MYO1E: variants seen among roughly 807,000 people sequenced by gnomAD.
MYO1E encodes unconventional myosin-Ie.
A neutral mutation model predicts 151.1 loss-of-function variants in MYO1E; 68 were observed. That is an observed-to-expected ratio of 0.45 (90% CI 0.37 to 0.55). The LOEUF (loss-of-function observed/expected upper bound fraction) is 0.55, where lower values mean the gene tolerates loss of function less well. MYO1E is among the 20% of genes least tolerant of loss of function. The pLI, the probability that MYO1E is intolerant of heterozygous loss-of-function variation, is 0.00. For missense variants in MYO1E, 1,363 were observed against 1,389.3 expected, an observed-to-expected ratio of 0.98 and a Z score of 0.30; for synonymous variants, 601 against 501.7, an observed-to-expected ratio of 1.20 and a Z score of -2.64.
intron 26 of MYO1E, among the ~76,000 whole-genome samples, chr15:59,146,775 C>T (rs903919072): frequency 1.3e-5 from 2 of 150,490 alleles, no homozygotes; most frequent in East Asian, 3.9e-4. Context: ...GGTTATAAAA[C>T]TATACATCAC....
intron 18 of MYO1E, among the ~76,000 whole-genome samples, chr15:59,179,373 C>T (rs2079645071): frequency 6.6e-6 from 1 of 152,146 alleles, no homozygotes; most frequent in African/African-American, 2.4e-5. Flanking sequence ...TTAATTTATG[C>T]CTCCCAGATG....
At chr15:59,330,813 G>A (rs1375925526) in intron 1 of MYO1E, among the ~76,000 whole-genome samples, 2 of 152,042 alleles carry the variant, frequency 1.3e-5, no homozygotes, top group Non-Finnish European at 1.5e-5. Context: ...CTGTCACCTA[G>A]GCTGAAGTGC....
At chr15:59,250,337 G>C (rs1000165123) in intron 4 of MYO1E, among the ~76,000 whole-genome samples, 1 of 152,196 alleles carries the variant, frequency 6.6e-6, no homozygotes, top group South Asian at 2.1e-4. Context: ...AGGTGGGCCA[G>C]GCAGGCGGTG....
chr15:59,266,765 C>T (rs2080256879), intron 2 of MYO1E: 1 of 148,822 alleles, frequency 6.7e-6, no homozygotes, highest in South Asian at 2.2e-4. Flanking sequence ...AGGTTCACAC[C>T]ATTCTCCTGC....
At position 59,171,452 on chromosome 15, in the gene MYO1E, C is replaced by G. The variant is rs138905700; in HGVS notation, c.2480+445G>C. The stretch of plus-strand genomic sequence containing the variant: ...CAGGGCTACAGAGAATGGAGACCAA[C>G]TTGCACTCCCTAAGGAAGTCCCAAA... On this transcript the variant is annotated intron_variant, in intron 22 of 27. Transcript: ENST00000288235. 2.4e-4 allele frequency among the ~76,000 whole-genome samples: 37 copies of G among 152,274 alleles called. No individual in the cohort carries two copies. The East Asian group carries it at 5.6e-3, about 23-fold the overall frequency.
chr15:59,368,324 T>A (rs944667111), intron 1 of MYO1E, among the ~76,000 whole-genome samples: 2 of 152,130 alleles, frequency 1.3e-5, no homozygotes, highest in African/African-American at 2.4e-5. Flanking sequence ...CATTTAAGTT[T>A]GCAACCACTG....
intron 1 of MYO1E, among the ~76,000 whole-genome samples, chr15:59,302,196 G>A (rs986212923): frequency 1.3e-5 from 2 of 152,148 alleles, no homozygotes; most frequent in African/African-American, 4.8e-5. Context: ...AGAAACCAGC[G>A]TGCCAATGAG....
chr15:59,153,099 CTCTT>C (rs756446582), intron 26 of MYO1E, among the ~76,000 whole-genome samples: 3 of 152,216 alleles, frequency 2.0e-5, no homozygotes, highest in Non-Finnish European at 4.4e-5. Context: ...CTCTTCACCA[CTCTT>C]TATTTATATT....
intron 4 of MYO1E, among the ~76,000 whole-genome samples, chr15:59,236,948 G>A (rs2080070671): frequency 6.6e-6 from 1 of 152,116 alleles, no homozygotes; most frequent in Non-Finnish European, 1.5e-5. Context: ...CCAATAATGG[G>A]GGATATGATT....
chr15:59,241,395 A>T (rs946601102), intron 4 of MYO1E, among the ~76,000 whole-genome samples: 2 of 152,218 alleles, frequency 1.3e-5, no homozygotes, highest in African/African-American at 4.8e-5. Context: ...AAAACAAATA[A>T]AAATAAAAAC....
chr15:59,364,487 C>T (rs1408196373), intron 1 of MYO1E, among the ~76,000 whole-genome samples: 3 of 152,152 alleles, frequency 2.0e-5, no homozygotes, highest in African/African-American at 7.2e-5. Flanking sequence ...AATCCGGCTA[C>T]ATGGGATTAT....
At chr15:59,192,326 TAC>T in intron 17 of MYO1E, among the ~76,000 whole-genome samples, 1 of 151,644 alleles carries the variant, frequency 6.6e-6, no homozygotes, top group African/African-American at 2.4e-5. Flanking sequence ...AAAGAGAAAA[TAC>T]CATCCTCATC....
At chr15:59,270,060 G>A (rs2080280217) in intron 2 of MYO1E, among the ~76,000 whole-genome samples, 1 of 152,114 alleles carries the variant, frequency 6.6e-6, no homozygotes, top group Non-Finnish European at 1.5e-5. Context: ...TCCAAAAAAT[G>A]GTGGTAAGTA....
Position 59,236,566 on chromosome 15 carries a change from TG to T in MYO1E, c.420+18del. 6.3e-7 allele frequency: 1 copy of T among 1,585,164 alleles called. No homozygotes were observed. Among genetic ancestry groups the T allele is most frequent in the Non-Finnish European group, 8.7e-7 (1 of 1,153,674 alleles). On this transcript the variant is annotated intron_variant, in intron 5 of 27. Transcript: ENST00000288235. Reference sequence around the variant, plus strand: ...TTTCCCATAACATAAGGTATCATAATGGGCCACTGCCCACTCACCTGGACTT... The same window carrying T: ...TTTCCCATAACATAAGGTATCATAATGGCCACTGCCCACTCACCTGGACTT...
chr15:59,317,316 T>C lies in MYO1E; in HGVS notation c.4-44867A>G, dbSNP rs529327561. Among the ~76,000 whole-genome samples the C allele has an allele frequency of 4.3e-4, 65 of 152,280 alleles. 1 individual carries two copies. The South Asian group carries it at 0.013, about 32-fold the overall frequency. On this transcript the variant is annotated intron_variant, in intron 1 of 27. Transcript: ENST00000288235. ...AGCTGTGTATGCTAAGACATACCCTTTTCTCCCTCCTCCCTAAAGAAACCT... is the reference window on the plus strand; with the variant it reads ...AGCTGTGTATGCTAAGACATACCCTCTTCTCCCTCCTCCCTAAAGAAACCT...
At chr15:59,320,797 C>T (rs1567013847) in intron 1 of MYO1E, among the ~76,000 whole-genome samples, 1 of 152,030 alleles carries the variant, frequency 6.6e-6, no homozygotes, top group Non-Finnish European at 1.5e-5. Flanking sequence ...TGATTAAGTC[C>T]TCAAAACAAC....
chr15:59,239,705 G>C (rs191814939), intron 4 of MYO1E, among the ~76,000 whole-genome samples: 2 of 152,162 alleles, frequency 1.3e-5, no homozygotes, highest in African/African-American at 4.8e-5. Flanking sequence ...CAGCAACTAT[G>C]ATCTTTTCCA....
At chr15:59,220,756 G>C (rs934665683) in intron 9 of MYO1E, among the ~76,000 whole-genome samples, 1 of 151,542 alleles carries the variant, frequency 6.6e-6, no homozygotes. Flanking sequence ...TCCAACAACA[G>C]ATAAATAAAG....
At chr15:59,294,627 C>A (rs1479923008) in intron 1 of MYO1E, among the ~76,000 whole-genome samples, 1 of 152,210 alleles carries the variant, frequency 6.6e-6, no homozygotes, top group African/African-American at 2.4e-5. Context: ...GCCTTCTTGG[C>A]TCCCTTGCCC....
Sources: allele counts gnomAD v4.1 joint callset (sites outside exome capture counted in the v4.1 genomes callset), GRCh38; gene constraint gnomAD v4.1.1; transcripts MANE v1.5; gene names NCBI Gene and HGNC (gene_info 2026-07-23, HGNC 2026-07-21).